The following RPGRIP1L variants were observed in gnomAD, a reference collection of about 807,000 sequenced individuals.
RPGRIP1L encodes the protein RPGRIP1 like.
A neutral mutation model predicts 160.4 loss-of-function variants in RPGRIP1L; 131 were observed. The ratio of observed to expected loss-of-function variants is 0.82; its 90% confidence interval spans 0.71 to 0.94. The LOEUF is 0.94. Ranked by LOEUF, RPGRIP1L falls within the 40% of genes least tolerant of loss-of-function variation. RPGRIP1L has a pLI of 0.00. For missense variants in RPGRIP1L, 1,522 were observed against 1,535.8 expected (o/e 0.99, Z 0.15); for synonymous variants, 510 against 515.8 (o/e 0.99, Z 0.15).
At chr16:53,647,527 T>C (rs561851515) in intron 16 of RPGRIP1L, among the ~76,000 whole-genome samples, 135 of 152,316 alleles carry the variant, frequency 8.9e-4, no homozygotes, top group African/African-American at 3.2e-3. Flanking sequence ...CAGATATGTC[T>C]TGCTTTCTCC....
intron 1 of RPGRIP1L, chr16:53,703,088 A>C (rs11075984): frequency 6.6e-6 from 1 of 151,828 alleles, no homozygotes; most frequent in African/African-American, 2.4e-5. Flanking sequence ...GGCCAACATG[A>C]TGAAACCCTG....
chr16:53,661,385 C>T (rs1247447392), intron 10 of RPGRIP1L, among the ~76,000 whole-genome samples: 1 of 151,264 alleles, frequency 6.6e-6, no homozygotes, highest in Admixed American at 6.6e-5. Context: ...ACTAAAAATT[C>T]AGATGAATAA....
Position 53,677,019 on chromosome 16 carries a change from A to G in RPGRIP1L, c.777-1897T>C, listed in dbSNP as rs145476878. 6.6e-3 allele frequency among the ~76,000 whole-genome samples: 1,001 copies of G among 152,326 alleles called. 14 individuals carry two copies. Among genetic ancestry groups the G allele is most frequent in the African/African-American group, 0.022 (914 of 41,578 alleles). On this transcript the variant is annotated intron_variant, in intron 6 of 26. Coordinates refer to ENST00000647211, the MANE Select transcript of RPGRIP1L (RefSeq NM_015272.5). ...TAACACAATTAAATCTCTATAATCC[A>G]TTCGGGCACATAGGGTGATAGAAAT...
chr16:53,641,489 A>T lies in RPGRIP1L; in HGVS notation c.2684-14T>A, dbSNP rs915770620. On this transcript the variant is annotated splice_polypyrimidine_tract_variant and intron_variant, in intron 17 of 26. Coordinates refer to ENST00000647211, the MANE Select transcript of RPGRIP1L (RefSeq NM_015272.5). ...ACTCAAATATTCCTGTCAAATTACA[A>T]TAATTTTAATTAATGCTAGAGTGAA... is the stretch of plus-strand genomic sequence containing the variant. 5 of 1,603,174 alleles carry T rather than the reference A, an allele frequency of 3.1e-6. No individual in the cohort carries two copies. The African/African-American group carries it at 4.0e-5, about 13-fold the overall frequency.
chr16:53,638,687 G>A (rs1190355487), intron 19 of RPGRIP1L, among the ~76,000 whole-genome samples: 1 of 151,498 alleles, frequency 6.6e-6, no homozygotes, highest in African/African-American at 2.4e-5. Context: ...GTTCAACAGG[G>A]CATTAGTTAA....
At chr16:53,621,947 C>T (rs571394817) in intron 23 of RPGRIP1L, among the ~76,000 whole-genome samples, 2 of 122,262 alleles carry the variant, frequency 1.6e-5, no homozygotes, top group Non-Finnish European at 3.2e-5. Flanking sequence ...GGCGTGAACC[C>T]AGGGGGCGGA....
At position 53,605,563 on chromosome 16, in the gene RPGRIP1L, C is replaced by T; in HGVS notation, c.3753G>A (p.Glu1251=). ...CGTGAGCCACGCCAATGTCCTCACACTCCAGGTCCTGCTCGTCCTCTGGAG... is the reference window on the plus strand; with the variant it reads ...CGTGAGCCACGCCAATGTCCTCACATTCCAGGTCCTGCTCGTCCTCTGGAG... ...SDPPEDEQDL[E]CEDIGVAHVD... The change falls in exon 26 of 27, where the codon GAG becomes GAA. Residue 1251 remains glutamate, a synonymous_variant. Transcript: ENST00000647211. 1.2e-6 allele frequency: 2 copies of T among 1,614,140 alleles called. No homozygotes were observed. Among genetic ancestry groups the T allele is most frequent in the Non-Finnish European group, 8.5e-7 (1 of 1,179,986 alleles).
intron 19 of RPGRIP1L, among the ~76,000 whole-genome samples, chr16:53,640,682 A>G (rs1966152295): frequency 6.6e-6 from 1 of 152,152 alleles, no homozygotes; most frequent in East Asian, 1.9e-4. Context: ...CTGTGACCTT[A>G]GTAAGAGTAG....
intron 12 of RPGRIP1L, 80 bp from the exon 13 acceptor site, chr16:53,657,712 A>C: frequency 3.9e-6 from 3 of 777,934 alleles, no homozygotes; most frequent in Non-Finnish European, 4.1e-6. Context: ...ATGTATCAAT[A>C]AATAATTCAT....
chr16:53,628,106 T>C (rs180880728), intron 22 of RPGRIP1L: 2 of 151,278 alleles, frequency 1.3e-5, no homozygotes, highest in East Asian at 3.9e-4. Flanking sequence ...ATTGGTATTA[T>C]TTATAAAAAT....
At chr16:53,678,182 T>C (rs1969331678) in intron 6 of RPGRIP1L, among the ~76,000 whole-genome samples, 1 of 152,020 alleles carries the variant, frequency 6.6e-6, no homozygotes, top group South Asian at 2.1e-4. Context: ...TGATCAAATC[T>C]TATAAAACTA....
At chr16:53,634,663 C>G (rs7200859) in intron 22 of RPGRIP1L, among the ~76,000 whole-genome samples, 33,522 of 143,656 alleles carry the variant, frequency 0.23, 5,150 homozygotes, top group East Asian at 0.46. Context: ...TCTCTCTCCT[C>G]CTTCCTCTCT....
Position 53,652,988 on chromosome 16 carries a change from CT to C in RPGRIP1L, c.1700-2del. 6.2e-7 allele frequency: 1 copy of C among 1,609,892 alleles called. No individual in the cohort carries two copies. Reference sequence around the variant, plus strand: ...CCATAGGCAATATCCTTTAATTGGGCTGCAAGAGAAGACACACAGTTTAGAG... The same window carrying C: ...CCATAGGCAATATCCTTTAATTGGGCGCAAGAGAAGACACACAGTTTAGAG... On this transcript the variant is annotated splice_acceptor_variant, in intron 14 of 26. Transcript: ENST00000647211. LOFTEE classifies it high-confidence loss of function.
At chr16:53,685,887 A>G (rs534634417) in intron 6 of RPGRIP1L, among the ~76,000 whole-genome samples, 1 of 152,272 alleles carries the variant, frequency 6.6e-6, no homozygotes, top group Admixed American at 6.5e-5. Flanking sequence ...TTATAACAAA[A>G]AAAGTTTTTT....
intron 25 of RPGRIP1L, among the ~76,000 whole-genome samples, chr16:53,606,187 T>A (rs1229864161): frequency 6.6e-6 from 1 of 152,238 alleles, no homozygotes. Flanking sequence ...TTGAGCAATC[T>A]TTAACTTACA....
chr16:53,667,671 G>C (rs546776159), intron 9 of RPGRIP1L, among the ~76,000 whole-genome samples: 2 of 152,084 alleles, frequency 1.3e-5, no homozygotes, highest in African/African-American at 4.8e-5. Context: ...TCAGGAGTTC[G>C]AGACCAGCCT....
rs1306823626 is a variant in RPGRIP1L at position 53,695,301 on chromosome 16, A to T, written c.230+850T>A. On this transcript the variant is annotated intron_variant, in intron 3 of 26. Transcript: ENST00000647211. ...CTTGAAAACAGCCATCATCATGACT[A>T]AAACCCAACTCAAAGTAAAAGGCCT... 4 of 695,176 alleles carry T rather than the reference A, an allele frequency of 5.8e-6. No homozygotes were observed. The African/African-American group carries it at 7.1e-5, about 12-fold the overall frequency. 43.1% of individuals were successfully genotyped at this position (695,176 alleles called of 1,614,324 possible).
chr16:53,615,322 T>G (rs1024541160), intron 24 of RPGRIP1L, among the ~76,000 whole-genome samples: 1 of 151,998 alleles, frequency 6.6e-6, no homozygotes, highest in Non-Finnish European at 1.5e-5. Flanking sequence ...TTTCCCAAAC[T>G]ATTTTCTTGC....
At position 53,688,824 on chromosome 16, in the gene RPGRIP1L, C is replaced by T. The variant is rs539810106; in HGVS notation, c.530-859G>A. On this transcript the variant is annotated intron_variant, in intron 4 of 26. Transcript: ENST00000647211. ...TAACTAGAACAATGGAACTATTACT[C>T]GCTCTTTCCAAAGTAGTCAATATCT... Among the ~76,000 whole-genome samples, 5 of 152,012 alleles carry T rather than the reference C, an allele frequency of 3.3e-5. 1 individual carries two copies. Among genetic ancestry groups the T allele is most frequent in the African/African-American group, 7.2e-5 (3 of 41,534 alleles).
Sources: gnomAD v4.1 joint callset for allele counts (sites outside exome capture counted in the v4.1 genomes callset) on GRCh38, gnomAD v4.1.1 for gene constraint, MANE v1.5 for transcripts, NCBI Gene and HGNC (gene_info 2026-07-23, HGNC 2026-07-21) for gene names.